PDGFA: variants seen among roughly 807,000 people sequenced by gnomAD.
PDGFA encodes the protein platelet derived growth factor subunit A, also known as platelet-derived growth factor subunit A.
A neutral mutation model predicts 25.6 loss-of-function variants in PDGFA; 9 were observed. That is an observed-to-expected ratio of 0.35 (90% confidence interval 0.21 to 0.61). The LOEUF is 0.61. Ranked by LOEUF, PDGFA falls within the 20% of genes least tolerant of loss-of-function variation. The pLI, the probability that PDGFA is intolerant of heterozygous loss-of-function variation, is 0.75. For synonymous variants in PDGFA, 133 were observed against 111.8 expected, an observed-to-expected ratio of 1.19 and a Z score of -1.20; for missense variants, 242 against 272.8, an observed-to-expected ratio of 0.89 and a Z score of 0.79.
upstream of PDGFA, among the ~76,000 whole-genome samples, chr7:519,656 G>C (rs1783281479): frequency 6.9e-6 from 1 of 145,164 alleles, no homozygotes; most frequent in Non-Finnish European, 1.5e-5. Context: ...GGGCCGGGCA[G>C]CGCCCGCGGC....
chr7:502,451 C>G (rs2128391943), intron 4 of PDGFA, among the ~76,000 whole-genome samples: 1 of 152,274 alleles, frequency 6.6e-6, no homozygotes, highest in East Asian at 1.9e-4. Flanking sequence ...TCGGAGAGGC[C>G]TGACCTCGGA....
At chr7:511,115 T>G in intron 3 of PDGFA, 119 bp from the exon 4 acceptor site, 1 of 748,926 alleles carries the variant, frequency 1.3e-6, no homozygotes, top group Non-Finnish European at 2.2e-6. Context: ...AGGCCAGGAT[T>G]CCTCCCAGGC....
At chr7:513,611 C>G (rs552929398) in intron 2 of PDGFA, 2 of 152,438 alleles carry the variant, frequency 1.3e-5, no homozygotes, top group East Asian at 1.9e-4. Flanking sequence ...TCCCTGCCCC[C>G]TCCTGGGAAG....
At chr7:511,203 G>A (rs902532021) in intron 3 of PDGFA, among the ~76,000 whole-genome samples, 2 of 150,458 alleles carry the variant, frequency 1.3e-5, no homozygotes, top group Non-Finnish European at 3.0e-5. Flanking sequence ...GCCCAGCCCG[G>A]TGCCTGCAGG....
At chr7:501,930 A>C (rs1210637091) in intron 4 of PDGFA, among the ~76,000 whole-genome samples, 1 of 152,192 alleles carries the variant, frequency 6.6e-6, no homozygotes, top group Non-Finnish European at 1.5e-5. Flanking sequence ...TTTTAAATAC[A>C]TTTTAAAAGC....
Position 505,886 on chromosome 7 carries a change from G to T in PDGFA, c.454-4644C>A, listed in dbSNP as rs1228768906. Among the ~76,000 whole-genome samples the T allele has an allele frequency of 3.9e-5, 6 of 152,302 alleles. 1 individual carries two copies. In the South Asian group the frequency reaches 6.2e-4, roughly 16 times the overall value. ...TCCAGATGCTGACTTGGGTCATGAG[G>T]ACCCCAGCTGGGTGCGGTGGCTCAC... On this transcript the variant is annotated intron_variant, in intron 4 of 5. Coordinates refer to ENST00000402802, the Ensembl canonical transcript of PDGFA.
At chr7:514,982 G>A (rs935360201) in intron 2 of PDGFA, among the ~76,000 whole-genome samples, 1 of 152,162 alleles carries the variant, frequency 6.6e-6, no homozygotes, top group African/African-American at 2.4e-5. Context: ...CCCAGACGGT[G>A]CCTGGCTCAG....
intron 4 of PDGFA, among the ~76,000 whole-genome samples, chr7:502,175 T>A (rs1176555689): frequency 6.6e-6 from 1 of 152,094 alleles, no homozygotes; most frequent in Non-Finnish European, 1.5e-5. Context: ...TGAGCTGGTA[T>A]CACACCACTG....
At chr7:503,751 TG>T (rs1398661371) in intron 4 of PDGFA, among the ~76,000 whole-genome samples, 1 of 152,080 alleles carries the variant, frequency 6.6e-6, no homozygotes, top group East Asian at 1.9e-4. Context: ...GCGTGTGAAG[TG>T]GTCTGGGCTG....
rs541118401 is a variant in PDGFA at position 507,425 on chromosome 7, A to T, written c.453+3384T>A. On this transcript the variant is annotated intron_variant, in intron 4 of 5. Transcript: ENST00000402802. ...CACTCCCAGCGGGGAACTGGCCCTC[A>T]CCCCCAACACTGCACTGGCCAGAGG... is the stretch of plus-strand genomic sequence containing the variant. Among the ~76,000 whole-genome samples, 6 of 152,114 alleles carry T rather than the reference A, an allele frequency of 3.9e-5. No individual in the cohort carries two copies. In the East Asian group the frequency reaches 1.2e-3, roughly 29 times the overall value.
intron 5 of PDGFA, 87 bp from the exon 6 acceptor site, chr7:498,661 G>T: frequency 1.6e-6 from 2 of 1,269,622 alleles, no homozygotes; most frequent in Non-Finnish European, 2.3e-6. Flanking sequence ...AGGAAAACAG[G>T]GTGAAAACAT....
intron 4 of PDGFA, among the ~76,000 whole-genome samples, chr7:510,338 C>T (rs1212390846): frequency 1.3e-5 from 2 of 152,014 alleles, no homozygotes; most frequent in East Asian, 3.9e-4. Context: ...CCACCAGCCA[C>T]ACCAGGGGCA....
In PDGFA at chr7:517,795, T is replaced by C. The variant is rs1783177541; in HGVS notation, c.64-305A>G. ...CCGGCCCCTCCACCCGGGGTGTCAG[T>C]TACAGAAGGTCTAGGGGGCAGCGAG... On this transcript the variant is annotated intron_variant, in intron 1 of 5. Transcript: ENST00000402802. The surrounding 1 kb of genome is among the most constrained non-coding windows in gnomAD (Gnocchi z 7.4). Among the ~76,000 whole-genome samples the C allele has an allele frequency of 6.8e-6, 1 of 146,988 alleles. No individual in the cohort carries two copies. Among genetic ancestry groups the C allele is most frequent in the Non-Finnish European group, 1.5e-5 (1 of 66,622 alleles).
Position 508,880 on chromosome 7 carries a change from A to G in PDGFA, c.453+1929T>C, listed in dbSNP as rs1010752983. Among the ~76,000 whole-genome samples the G allele has an allele frequency of 3.0e-4, 45 of 152,206 alleles. 2 individuals carry two copies. On this transcript the variant is annotated intron_variant, in intron 4 of 5. Coordinates refer to ENST00000402802, the Ensembl canonical transcript of PDGFA. The stretch of plus-strand genomic sequence containing the variant: ...ACCCCATCCCGAAAACGGGAGACTG[A>G]TGCCCCAACAGGCAGGAAACCTCCC...
chr7:507,672 G>A lies in PDGFA; in HGVS notation c.453+3137C>T, dbSNP rs146419333. On this transcript the variant is annotated intron_variant, in intron 4 of 5. Coordinates refer to ENST00000402802, the Ensembl canonical transcript of PDGFA. ...ACATGAGAATCTCTAATGAGAACAAGACCACAGGCATCCCGGACTCAGAGC... is the reference window on the plus strand; with the variant it reads ...ACATGAGAATCTCTAATGAGAACAAAACCACAGGCATCCCGGACTCAGAGC... Among the ~76,000 whole-genome samples, 1,289 of 152,332 alleles carry A rather than the reference G, an allele frequency of 8.5e-3. 19 individuals are homozygous for A. Among genetic ancestry groups the A allele is most frequent in the African/African-American group, 0.03 (1,246 of 41,576 alleles).
intron 4 of PDGFA, among the ~76,000 whole-genome samples, chr7:501,820 G>T (rs1048348604): frequency 2.0e-5 from 3 of 152,186 alleles, no homozygotes; most frequent in African/African-American, 7.2e-5. Context: ...ACACTGCTAA[G>T]GTGTGGAAGT....
intron 4 of PDGFA, among the ~76,000 whole-genome samples, chr7:506,174 T>TCAAAAAAAA: frequency 2.2e-5 from 1 of 45,040 alleles, no homozygotes; most frequent in East Asian, 5.5e-4. Flanking sequence ...AGACTCTGTC[T>TCAAAAAAAA]CAAAAAAAAA....
At chr7:516,564 G>C (rs1224798568) in intron 2 of PDGFA, among the ~76,000 whole-genome samples, 2 of 152,192 alleles carry the variant, frequency 1.3e-5, no homozygotes, top group Non-Finnish European at 2.9e-5. Context: ...ATTTTGAAAA[G>C]AGCGCCACGC....
Position 500,395 on chromosome 7 carries a change from C to T in PDGFA, c.580+721G>A, listed in dbSNP as rs753341053. 1.9e-6 allele frequency: 3 copies of T among 1,606,302 alleles called. No individual in the cohort carries two copies. Among genetic ancestry groups the T allele is most frequent in the South Asian group, 1.1e-5 (1 of 90,896 alleles). ...TGATCAGTCAGTTGCACCTCCCCGC[C>T]CTGCAGGACTCAGTGTGTCCGGCAG... On this transcript the variant is annotated intron_variant, in intron 5 of 5. Coordinates refer to ENST00000402802, the Ensembl canonical transcript of PDGFA. This position sits in a 1 kb window ranked among gnomAD's most constrained non-coding sequence, Gnocchi z 5.0.
Sources: allele counts gnomAD v4.1 joint callset (sites outside exome capture counted in the v4.1 genomes callset), GRCh38; gene constraint gnomAD v4.1.1; non-coding constraint Gnocchi (gnomAD v3.1); transcripts MANE v1.5; gene names NCBI Gene and HGNC (gene_info 2026-07-23, HGNC 2026-07-21).